Variants in APPL2 observed in about 807,000 individuals in gnomAD.
The protein encoded by APPL2 is adaptor protein, phosphotyrosine interacting with PH domain and leucine zipper 2, also known as DCC-interacting protein 13-beta.
A neutral mutation model predicts 92.7 loss-of-function variants in APPL2; 84 were observed. The ratio of observed to expected loss-of-function variants is 0.91; its 90% CI spans 0.76 to 1.09. APPL2 has a LOEUF of 1.09. Among genes scored for constraint, APPL2 ranks in the 50% least tolerant of loss-of-function variants. APPL2 has a pLI of 0.00. For missense variants in APPL2, 736 were observed against 824.5 expected (o/e 0.89, Z 1.31); for synonymous variants, 291 against 291.0 (o/e 1.00, Z 0.00).
At chr12:105,210,314 C>T (rs1889110105) in intron 5 of APPL2, among the ~76,000 whole-genome samples, 1 of 152,072 alleles carries the variant, frequency 6.6e-6, no homozygotes, top group Non-Finnish European at 1.5e-5. Context: ...TCCGCCCCAA[C>T]CCCCGCCGCA....
Position 105,208,107 on chromosome 12 carries a change from C to T in APPL2, c.415+51G>A, listed in dbSNP as rs370240355. The T allele has an allele frequency of 6.7e-5, 108 of 1,613,560 alleles. 1 individual carries two copies. In the African/African-American group the frequency reaches 7.1e-4, roughly 11 times the overall value. On this transcript the variant is annotated intron_variant, in intron 6 of 20. Transcript: ENST00000258530. ...GAACATTCATTGGGGGTCTCCTCCC[C>T]GCCACAGTAAGCCCACACACCCACA...
chr12:105,193,343 G>A (rs1887386751), intron 14 of APPL2, among the ~76,000 whole-genome samples: 1 of 152,170 alleles, frequency 6.6e-6, no homozygotes, highest in Admixed American at 6.5e-5. Context: ...AAGGGTCCTA[G>A]GAGGTTAGCT....
At chr12:105,196,102 G>A (rs1282639654) in intron 11 of APPL2, among the ~76,000 whole-genome samples, 2 of 151,908 alleles carry the variant, frequency 1.3e-5, no homozygotes, top group African/African-American at 2.4e-5. Flanking sequence ...GGGCTTGTAG[G>A]TCTGGCTCTG....
chr12:105,175,181 G>C (rs923441756), intron 20 of APPL2, among the ~76,000 whole-genome samples: 1 of 152,160 alleles, frequency 6.6e-6, no homozygotes, highest in African/African-American at 2.4e-5. Context: ...ACCATGCCTG[G>C]CCTGCTTTTG....
At chr12:105,194,639 C>T (rs7136453) in intron 14 of APPL2, among the ~76,000 whole-genome samples, 19,922 of 151,850 alleles carry the variant, frequency 0.13, 1,506 homozygotes, top group African/African-American at 0.22. Flanking sequence ...TGCAGTGAGC[C>T]GGGATTACTC....
At chr12:105,222,107 G>A (rs1890146379) in intron 2 of APPL2, among the ~76,000 whole-genome samples, 1 of 152,216 alleles carries the variant, frequency 6.6e-6, no homozygotes, top group African/African-American at 2.4e-5. Flanking sequence ...AGCCCCTCGA[G>A]ACAGGATGCA....
chr12:105,202,459 G>A (rs1430939031), intron 9 of APPL2, among the ~76,000 whole-genome samples: 1 of 152,136 alleles, frequency 6.6e-6, no homozygotes, highest in Non-Finnish European at 1.5e-5. Flanking sequence ...AAATAATCAG[G>A]TGTGTGAAAA....
At position 105,197,233 on chromosome 12, in the gene APPL2, T is replaced by C. The variant is rs114489067; in HGVS notation, c.1052+532A>G. 4.2e-3 allele frequency among the ~76,000 whole-genome samples: 637 copies of C among 152,214 alleles called. 4 individuals carry two copies. Among genetic ancestry groups the C allele is most frequent in the African/African-American group, 0.015 (611 of 41,516 alleles). ...ACTGTGAATGGCCACAGCCTGCGGA[T>C]TGGTAAAGTACCACCTCTTTGGGGC... On this transcript the variant is annotated intron_variant, in intron 11 of 20. Coordinates refer to ENST00000258530, the MANE Select transcript of APPL2 (RefSeq NM_018171.5).
chr12:105,191,414 C>G (rs1048108421), intron 14 of APPL2, among the ~76,000 whole-genome samples: 4 of 152,124 alleles, frequency 2.6e-5, no homozygotes, highest in Non-Finnish European at 5.9e-5. Flanking sequence ...TTGATCCTGT[C>G]TTTAAGAGAG....
intron 12 of APPL2, 32 bp downstream of exon 12, chr12:105,195,553 T>C (rs369944344): frequency 6.2e-7 from 1 of 1,614,120 alleles, no homozygotes; most frequent in Non-Finnish European, 8.5e-7. Context: ...CCCACCACGT[T>C]AGGAAAGAAA....
chr12:105,229,339 C>A, intron 1 of APPL2, 116 bp from the exon 2 acceptor site: 8 of 990,190 alleles, frequency 8.1e-6, no homozygotes, highest in Non-Finnish European at 1.2e-5. Flanking sequence ...AAGAAAGGTA[C>A]CTGTTGGTTC....
intron 3 of APPL2, among the ~76,000 whole-genome samples, 183 bp from the exon 4 acceptor site, chr12:105,217,323 A>G (rs1356139422): frequency 6.6e-6 from 1 of 152,072 alleles, no homozygotes; most frequent in Non-Finnish European, 1.5e-5. Context: ...CCCAGGGTGC[A>G]CTCATCTGAC....
intron 19 of APPL2, 181 bp from the exon 20 acceptor site, chr12:105,176,263 C>T (rs10861360): frequency 0.13 from 73,903 of 574,800 alleles, 6,791 homozygotes; most frequent in African/African-American, 0.36. Flanking sequence ...CTGTCCTGAC[C>T]TCTGTTGCCA....
At chr12:105,200,840 G>A (rs1334095074) in intron 9 of APPL2, among the ~76,000 whole-genome samples, 1 of 75,080 alleles carries the variant, frequency 1.3e-5, no homozygotes, top group African/African-American at 6.2e-5. Context: ...ACGTATGTAT[G>A]TATGTATGTA....
chr12:105,179,813 T>TG (rs1885933535), intron 17 of APPL2, among the ~76,000 whole-genome samples: 1 of 152,226 alleles, frequency 6.6e-6, no homozygotes, highest in South Asian at 2.1e-4. Flanking sequence ...ACCCACTTTT[T>TG]GACGGGGTTG....
chr12:105,197,938 G>C lies in APPL2; in HGVS notation c.879C>G (p.Val293=), dbSNP rs760357902. ...YLNLRNKTGL[V]TTTWERLYFF... is the part of the protein sequence containing the mutation. ...AATAAAGCCTCTCCCAGGTGGTGGT[G>C]ACCAGCCCTGTTTTGCTGTGAGTTG... The change falls in exon 11 of 21, where the codon GTC becomes GTG. Residue 293 remains valine (V), a synonymous_variant. Transcript: ENST00000258530. The C allele has an allele frequency of 2.5e-6, 4 of 1,613,916 alleles. No homozygotes were observed. Among genetic ancestry groups the C allele is most frequent in the Non-Finnish European group, 3.4e-6 (4 of 1,179,972 alleles).
At chr12:105,233,801 T>C (rs552379649) in intron 1 of APPL2, among the ~76,000 whole-genome samples, 2 of 152,324 alleles carry the variant, frequency 1.3e-5, no homozygotes, top group South Asian at 4.1e-4. Flanking sequence ...GTTATTTAAA[T>C]AGAGAATGTA....
intron 2 of APPL2, among the ~76,000 whole-genome samples, chr12:105,221,521 G>A (rs1008447830): frequency 2.0e-5 from 3 of 152,164 alleles, no homozygotes; most frequent in Non-Finnish European, 2.9e-5. Flanking sequence ...CCAATCTAAA[G>A]TCCAAAATTG....
chr12:105,190,679 G>C, intron 14 of APPL2, among the ~76,000 whole-genome samples: 1 of 152,076 alleles, frequency 6.6e-6, no homozygotes, highest in East Asian at 1.9e-4. Context: ...TCCCAACCCA[G>C]CTCAAATTCT....
Sources: allele counts gnomAD v4.1 joint callset (sites outside exome capture counted in the v4.1 genomes callset), GRCh38; gene constraint gnomAD v4.1.1; transcripts MANE v1.5; gene names NCBI Gene and HGNC (gene_info 2026-07-23, HGNC 2026-07-21).